PRELID2: variants seen among roughly 807,000 people sequenced by gnomAD.
PRELID2 encodes PRELI domain containing 2.
In PRELID2, 25 loss-of-function variants were observed where a neutral mutation model predicts 28.4. The observed-to-expected ratio is 0.88, with a 90% CI of 0.64 to 1.23. PRELID2 has a LOEUF of 1.23. Ranked by LOEUF, PRELID2 falls within the 50% of genes most tolerant of loss-of-function variation. The pLI, the probability that PRELID2 is intolerant of heterozygous loss-of-function variation, is 0.00. For missense variants in PRELID2, 201 were observed against 214.4 expected, an observed-to-expected ratio of 0.94 and a Z score of 0.39; for synonymous variants, 76 against 71.6, an observed-to-expected ratio of 1.06 and a Z score of -0.31.
chr5:145,260,971 G>A, the PRELID2 span, among the ~76,000 whole-genome samples: 4 of 152,172 alleles, frequency 2.6e-5, no homozygotes, highest in Non-Finnish European at 4.4e-5. Flanking sequence ...GCTATTGAGT[G>A]GGGGCATGGT....
chr5:145,361,241 G>A, the PRELID2 span, among the ~76,000 whole-genome samples: 1 of 152,118 alleles, frequency 6.6e-6, no homozygotes, highest in East Asian at 1.9e-4. Context: ...CTGAGAAGGA[G>A]GCATTATAAA....
At chr5:145,296,099 T>A in the PRELID2 span, among the ~76,000 whole-genome samples, 1 of 152,090 alleles carries the variant, frequency 6.6e-6, no homozygotes, top group Non-Finnish European at 1.5e-5. Flanking sequence ...AAAACCTATA[T>A]GCTATGGCTT....
the PRELID2 span, among the ~76,000 whole-genome samples, chr5:145,319,387 G>C: frequency 6.6e-6 from 1 of 152,156 alleles, no homozygotes; most frequent in African/African-American, 2.4e-5. Flanking sequence ...AATCCCACCA[G>C]GTTGGGCACA....
the PRELID2 span, among the ~76,000 whole-genome samples, chr5:145,284,520 T>G: frequency 6.6e-6 from 1 of 152,162 alleles, no homozygotes; most frequent in Non-Finnish European, 1.5e-5. Flanking sequence ...TTCTATTATT[T>G]TATTTAAAGG....
chr5:145,410,490 T>G, the PRELID2 span, among the ~76,000 whole-genome samples: 3 of 152,202 alleles, frequency 2.0e-5, no homozygotes, highest in African/African-American at 7.2e-5. Flanking sequence ...TTTAATTGAC[T>G]TACTGTTCTG....
At chr5:145,505,270 G>C (rs1256552623) in intron 1 of PRELID2, among the ~76,000 whole-genome samples, 2 of 152,136 alleles carry the variant, frequency 1.3e-5, no homozygotes, top group East Asian at 3.9e-4. Flanking sequence ...CATCATCAAT[G>C]CCACCACTAG....
At chr5:145,393,203 T>C in the PRELID2 span, among the ~76,000 whole-genome samples, 4 of 152,164 alleles carry the variant, frequency 2.6e-5, no homozygotes, top group Admixed American at 2.0e-4. Context: ...GAGAATAAGA[T>C]GGAGCAGGCA....
the PRELID2 span, chr5:145,450,961 C>A: frequency 6.6e-6 from 1 of 152,192 alleles, no homozygotes; most frequent in Non-Finnish European, 1.5e-5. Flanking sequence ...TGACAGGAAG[C>A]ATGGACATGC....
chr5:145,735,014 A>G (rs796852184), intron 1 of PRELID2, among the ~76,000 whole-genome samples: 5 of 152,192 alleles, frequency 3.3e-5, no homozygotes, highest in African/African-American at 9.7e-5. Flanking sequence ...TGGGAGGATA[A>G]GGCGGGCAGA....
At chr5:145,457,400 C>G in the PRELID2 span, among the ~76,000 whole-genome samples, 260 of 152,278 alleles carry the variant, frequency 1.7e-3, no homozygotes, top group African/African-American at 5.7e-3. Flanking sequence ...TTCTCTCCCC[C>G]ACCCTCTATG....
chr5:145,315,754 C>G, the PRELID2 span, among the ~76,000 whole-genome samples: 14 of 151,978 alleles, frequency 9.2e-5, no homozygotes, highest in African/African-American at 3.4e-4. Flanking sequence ...GAATGCGAGG[C>G]TGAATCTACA....
the PRELID2 span, among the ~76,000 whole-genome samples, chr5:145,427,606 C>G: frequency 6.6e-6 from 1 of 152,162 alleles, no homozygotes; most frequent in African/African-American, 2.4e-5. Flanking sequence ...GAACCAGGCA[C>G]TTGTGCGGGA....
the PRELID2 span, among the ~76,000 whole-genome samples, chr5:145,356,329 CTTATT>C: frequency 1.3e-5 from 2 of 151,866 alleles, no homozygotes; most frequent in Non-Finnish European, 2.9e-5. Context: ...TTAATCAATA[CTTATT>C]TTAATATAAA....
chr5:145,357,292 G>A, the PRELID2 span, among the ~76,000 whole-genome samples: 1 of 152,110 alleles, frequency 6.6e-6, no homozygotes, highest in Non-Finnish European at 1.5e-5. Context: ...TCTCTAGTGA[G>A]GTTAAAGAAA....
At chr5:145,817,202 A>ATATATAT (rs1561643627) in intron 4 of PRELID2, among the ~76,000 whole-genome samples, 67 of 51,288 alleles carry the variant, frequency 1.3e-3, no homozygotes, top group Non-Finnish European at 2.6e-3. Context: ...AAAAAAAATA[A>ATATATAT]ATAAATAAAT....
chr5:145,260,781 G>A, the PRELID2 span, among the ~76,000 whole-genome samples: 1 of 152,186 alleles, frequency 6.6e-6, no homozygotes, highest in Non-Finnish European at 1.5e-5. Context: ...AAGAATTACT[G>A]CAGGAACATA....
chr5:145,498,956 A>G (rs939141257), intron 1 of PRELID2, among the ~76,000 whole-genome samples: 4 of 152,176 alleles, frequency 2.6e-5, no homozygotes, highest in African/African-American at 9.7e-5. Context: ...AATATTCATG[A>G]TATACTACTG....
At chr5:145,308,512 G>A in the PRELID2 span, among the ~76,000 whole-genome samples, 3 of 152,058 alleles carry the variant, frequency 2.0e-5, no homozygotes, top group South Asian at 6.2e-4. Flanking sequence ...CAATTCAAGA[G>A]TCTATTCTAA....
At chr5:145,663,813 G>A (rs1425706451) in intron 1 of PRELID2, among the ~76,000 whole-genome samples, 1 of 152,050 alleles carries the variant, frequency 6.6e-6, no homozygotes, top group African/African-American at 2.4e-5. Flanking sequence ...AGAACCCAAT[G>A]CATAGTGTTA....
Sources: allele counts gnomAD v4.1 joint callset (sites outside exome capture counted in the v4.1 genomes callset), GRCh38; gene constraint gnomAD v4.1.1; transcripts MANE v1.5; gene names NCBI Gene and HGNC (gene_info 2026-07-23, HGNC 2026-07-21).